The following ANKRD30A variants were observed in gnomAD, a reference collection of about 807,000 sequenced individuals.
ANKRD30A encodes the protein ankyrin repeat domain-containing protein 30A.
ANKRD30A carries 170 observed loss-of-function variants against 166.3 expected under a neutral mutation model. That is an observed-to-expected ratio of 1.02 (90% CI 0.90 to 1.16). The LOEUF is 1.16. Among genes scored for constraint, ANKRD30A ranks in the 50% most tolerant of loss-of-function variants. The pLI, the probability that ANKRD30A is intolerant of heterozygous loss-of-function variation, is 0.00. For missense variants in ANKRD30A, 1,630 were observed against 1,518.0 expected, an observed-to-expected ratio of 1.07 and a Z score of -1.23; for synonymous variants, 564 against 508.9, an observed-to-expected ratio of 1.11 and a Z score of -1.46.
intron 15 of ANKRD30A, among the ~76,000 whole-genome samples, chr10:37,162,151 C>G (rs1328810240): frequency 2.0e-5 from 3 of 151,950 alleles, no homozygotes; most frequent in Admixed American, 6.6e-5. Context: ...TGGAAAAAAA[C>G]AAATATTCAT....
the ANKRD30A span, among the ~76,000 whole-genome samples, chr10:37,239,215 G>T: frequency 6.6e-6 from 1 of 152,062 alleles, no homozygotes; most frequent in African/African-American, 2.4e-5. Flanking sequence ...TTTCTGAAAA[G>T]ACATCAAAGT....
chr10:37,137,750 C>T (rs976281672), intron 6 of ANKRD30A, among the ~76,000 whole-genome samples: 7 of 152,172 alleles, frequency 4.6e-5, no homozygotes, highest in African/African-American at 1.7e-4. Flanking sequence ...GTGGAGCCCA[C>T]CGCAGCTCAA....
intron 25 of ANKRD30A, among the ~76,000 whole-genome samples, chr10:37,192,766 C>T (rs1049868191): frequency 1.3e-5 from 2 of 151,942 alleles, no homozygotes; most frequent in Admixed American, 6.6e-5. Context: ...CTTATACGGC[C>T]GCTTTCTCTT....
chr10:37,213,966 C>T (rs924267819), intron 31 of ANKRD30A, among the ~76,000 whole-genome samples: 1 of 151,458 alleles, frequency 6.6e-6, no homozygotes, highest in African/African-American at 2.4e-5. Flanking sequence ...CACATTCTTG[C>T]CGATTTTCTG....
At chr10:37,198,999 G>A (rs779481383) in intron 29 of ANKRD30A, among the ~76,000 whole-genome samples, 7 of 152,000 alleles carry the variant, frequency 4.6e-5, no homozygotes, top group Non-Finnish European at 8.8e-5. Flanking sequence ...ATAACATGTG[G>A]GAACGTTGGA....
the ANKRD30A span, among the ~76,000 whole-genome samples, chr10:37,257,795 A>G: frequency 5.3e-5 from 8 of 152,212 alleles, no homozygotes; most frequent in Non-Finnish European, 1.2e-4. Context: ...ATAAAAAAGA[A>G]TGAGTTCATG....
chr10:37,265,414 C>G, the ANKRD30A span, among the ~76,000 whole-genome samples: 246 of 152,302 alleles, frequency 1.6e-3, 4 homozygotes, highest in Non-Finnish European at 2.8e-4. Context: ...AAACAGGCTG[C>G]TGGGCCCTGT....
chr10:37,164,731 T>A (rs1172562172), intron 17 of ANKRD30A, among the ~76,000 whole-genome samples: 1 of 152,058 alleles, frequency 6.6e-6, no homozygotes, highest in Non-Finnish European at 1.5e-5. Context: ...TACTACCAAG[T>A]AAAAAGTAAC....
intron 6 of ANKRD30A, among the ~76,000 whole-genome samples, chr10:37,137,520 C>T (rs1836793388): frequency 6.6e-6 from 1 of 152,160 alleles, no homozygotes; most frequent in Non-Finnish European, 1.5e-5. Context: ...CGGGTCACTC[C>T]CACCTTAATA....
At chr10:37,172,046 A>C (rs1252199456) in intron 21 of ANKRD30A, among the ~76,000 whole-genome samples, 2 of 143,708 alleles carry the variant, frequency 1.4e-5, no homozygotes, top group Non-Finnish European at 3.1e-5. Flanking sequence ...AGTTACACTT[A>C]TTTATTTAAA....
rs554064494 is a variant in ANKRD30A, at chr10:37,147,697, T to C, written c.1543+240T>C. ...AAGATACTCTAGGACATGACGAAAGTCAGGAAACAAGTAAGGGAAAAGGAG... is the reference window on the plus strand; with the variant it reads ...AAGATACTCTAGGACATGACGAAAGCCAGGAAACAAGTAAGGGAAAAGGAG... On this transcript the variant is annotated intron_variant, in intron 9 of 35. Transcript: ENST00000361713. 4.8e-5 allele frequency among the ~76,000 whole-genome samples: 6 copies of C among 125,682 alleles called. No individual in the cohort carries two copies. The East Asian group carries it at 1.4e-3, about 30-fold the overall frequency. 82.5% of individuals were successfully genotyped at this position (125,682 alleles called of 152,430 possible). A position where few individuals can be genotyped will look rare whatever the true frequency, so the allele number is the denominator to read the frequency against.
rs527928939 is a variant in ANKRD30A, at chr10:37,162,341, G to C, written c.1901-308G>C. Among the ~76,000 whole-genome samples the C allele has an allele frequency of 3.2e-4, 48 of 152,250 alleles. 1 individual carries two copies. The highest frequency in any genetic ancestry group is 1.2e-3 in the African/African-American group (48 of 41,556). On this transcript the variant is annotated intron_variant, in intron 15 of 35. Coordinates refer to ENST00000361713, the MANE Select transcript of ANKRD30A (RefSeq NM_052997.3). Reference sequence around the variant, plus strand: ...AAGTGATTCTAATGTGTTTCATTAAGTACGTGGCGTAGCATTCCATGTTCA... The same window carrying C: ...AAGTGATTCTAATGTGTTTCATTAACTACGTGGCGTAGCATTCCATGTTCA...
At chr10:37,230,286 A>G (rs1447394807) in intron 34 of ANKRD30A, among the ~76,000 whole-genome samples, 2 of 152,028 alleles carry the variant, frequency 1.3e-5, no homozygotes, top group East Asian at 1.9e-4. Flanking sequence ...ATTTGCCTCA[A>G]AAGTTTAATT....
intron 34 of ANKRD30A, among the ~76,000 whole-genome samples, chr10:37,226,103 T>TTATA (rs529229921): frequency 1.0e-4 from 15 of 149,578 alleles, no homozygotes; most frequent in African/African-American, 3.2e-4. Flanking sequence ...TTCTTTTTAT[T>TTATA]TATATATATA....
the ANKRD30A span, among the ~76,000 whole-genome samples, chr10:37,237,763 G>A: frequency 6.6e-6 from 1 of 152,066 alleles, no homozygotes; most frequent in Non-Finnish European, 1.5e-5. Flanking sequence ...TACACACCTC[G>A]AAGCCATCAA....
intron 5 of ANKRD30A, chr10:37,135,425 G>A (rs1836620659): frequency 5.9e-5 from 9 of 152,184 alleles, no homozygotes; most frequent in Admixed American, 5.9e-4. Flanking sequence ...GTGACACCAA[G>A]TATTGCAATT....
In ANKRD30A at chr10:37,228,155, G is replaced by C. The variant is rs557949519; in HGVS notation, c.4186-3306G>C. Among the ~76,000 whole-genome samples the C allele has an allele frequency of 3.9e-5, 6 of 152,056 alleles. No individual in the cohort carries two copies. In the East Asian group the frequency reaches 1.2e-3, roughly 30 times the overall value. On this transcript the variant is annotated intron_variant, in intron 34 of 35. Transcript: ENST00000361713. ...TATTCAAAGAAAAAGTTTCAGAAGT[G>C]CAGCACTAAAAAATCAGGTTATGTT...
intron 31 of ANKRD30A, among the ~76,000 whole-genome samples, chr10:37,203,546 A>C (rs1841791024): frequency 6.6e-6 from 1 of 152,160 alleles, no homozygotes; most frequent in South Asian, 2.1e-4. Context: ...ATGGGCAAAA[A>C]CTGGAAGCAT....
At chr10:37,164,920 G>A (rs1839190829) in intron 17 of ANKRD30A, among the ~76,000 whole-genome samples, 174 bp from the exon 18 acceptor site, 1 of 151,998 alleles carries the variant, frequency 6.6e-6, no homozygotes, top group Admixed American at 6.6e-5. Context: ...AGAGTTTTTA[G>A]ATTTCAATTC....
Sources: allele counts gnomAD v4.1 joint callset (sites outside exome capture counted in the v4.1 genomes callset), GRCh38; gene constraint gnomAD v4.1.1; transcripts MANE v1.5; gene names NCBI Gene and HGNC (gene_info 2026-07-23, HGNC 2026-07-21).